The following STK31 variants were observed in gnomAD, a reference collection of about 807,000 sequenced individuals.
The protein encoded by STK31 is serine/threonine-protein kinase 31.
STK31 carries 89 observed loss-of-function variants against 129.7 expected under a neutral mutation model. The ratio of observed to expected loss-of-function variants is 0.69; its 90% confidence interval spans 0.58 to 0.82. The LOEUF is 0.82. STK31 is among the 40% of genes least tolerant of loss of function. The pLI, the probability that STK31 is intolerant of heterozygous loss-of-function variation, is 0.00. For missense variants in STK31, 1,187 were observed against 1,176.4 expected, an observed-to-expected ratio of 1.01 and a Z score of -0.13; for synonymous variants, 448 against 395.3, an observed-to-expected ratio of 1.13 and a Z score of -1.58.
chr7:23,768,462 G>A lies in STK31; in HGVS notation c.1417-533G>A, dbSNP rs563969496. Among the ~76,000 whole-genome samples the A allele has an allele frequency of 1.7e-4, 26 of 152,230 alleles. 1 individual carries two copies. The highest frequency in any genetic ancestry group is 1.5e-3 in the Admixed American group (23 of 15,294). On this transcript the variant is annotated intron_variant, in intron 11 of 23. Coordinates refer to ENST00000355870, the MANE Select transcript of STK31 (RefSeq NM_031414.5). ...ATTAGAATTATTTGTATATTTTAGC[G>A]TGTAGTTTATTTTTATTTGGCAATC...
intron 23 of STK31, among the ~76,000 whole-genome samples, chr7:23,815,625 G>A (rs1344620202): frequency 1.3e-5 from 2 of 152,122 alleles, no homozygotes; most frequent in East Asian, 3.8e-4. Context: ...TACAAGGATT[G>A]TGGCATTGAG....
rs747861100 is a variant in STK31 at position 23,771,078 on chromosome 7, A to G, written c.1787A>G (p.Glu596Gly). Residue 596 changes from glutamate to glycine, a missense_variant, in exon 14 of 24, where the codon GAA (glutamate) becomes GGA (glycine). Coordinates refer to ENST00000355870, the MANE Select transcript of STK31 (RefSeq NM_031414.5). Reference sequence around the variant, plus strand: ...GTACTGCAAAAGATTCATTCAGAGGAAAGGCTCATTGCCACAGTACAAGCT... The same window carrying G: ...GTACTGCAAAAGATTCATTCAGAGGGAAGGCTCATTGCCACAGTACAAGCT... ...SQVLQKIHSE[E>G]RLIATVQAKY... 1.2e-6 allele frequency: 2 copies of G among 1,613,038 alleles called. No individual in the cohort carries two copies. The highest frequency in any genetic ancestry group is 2.2e-5 in the South Asian group (2 of 91,004).
At chr7:23,779,800 G>A (rs1482302307) in intron 15 of STK31, among the ~76,000 whole-genome samples, 2 of 152,212 alleles carry the variant, frequency 1.3e-5, no homozygotes, top group Non-Finnish European at 2.9e-5. Flanking sequence ...TGCTGAGCAG[G>A]ACCACTTGGC....
chr7:23,824,183 T>C (rs1171712659), intron 23 of STK31, among the ~76,000 whole-genome samples: 1 of 152,216 alleles, frequency 6.6e-6, no homozygotes, highest in East Asian at 1.9e-4. Flanking sequence ...ATAAATTACC[T>C]TGGGCAGTAT....
intron 8 of STK31, among the ~76,000 whole-genome samples, chr7:23,744,183 G>T (rs1788215130): frequency 6.6e-6 from 1 of 151,582 alleles, no homozygotes; most frequent in South Asian, 2.1e-4. Context: ...GCCTCCCAAA[G>T]TGCTGGGATT....
At chr7:23,797,125 G>GA (rs1376807984) in intron 22 of STK31, among the ~76,000 whole-genome samples, 1 of 152,140 alleles carries the variant, frequency 6.6e-6, no homozygotes, top group African/African-American at 2.4e-5. Context: ...CAAGATCTTA[G>GA]AGACCTACAA....
Position 23,735,715 on chromosome 7 carries a change from T to C in STK31, c.661T>C (p.Cys221Arg). 1 of 1,614,012 alleles carries C rather than the reference T, an allele frequency of 6.2e-7. No individual in the cohort carries two copies. The highest frequency in any genetic ancestry group is 8.5e-7 in the Non-Finnish European group (1 of 1,180,010). ...CAGACTTGCTTCCAGAACTGACATC[T>C]GTGAGGAAAAAAAATTGGATCCTGG... ...KCRLASRTDI[C>R]EEKKLDPGQL... Residue 221 changes from cysteine (C) to arginine (R), a missense_variant, in exon 7 of 24, where the codon TGT (cysteine) becomes CGT (arginine). This residue lies in a region of STK31 where 975 missense variants were observed against 934.9 expected (regional missense o/e 1.04). Coordinates refer to ENST00000355870, the MANE Select transcript of STK31 (RefSeq NM_031414.5).
chr7:23,754,018 G>A (rs1788892196), intron 9 of STK31, among the ~76,000 whole-genome samples: 1 of 151,918 alleles, frequency 6.6e-6, no homozygotes, highest in Admixed American at 6.6e-5. Context: ...TTTCGAAGTT[G>A]CCTTTTTTAT....
intron 7 of STK31, 36 bp downstream of exon 7, chr7:23,735,932 G>A: frequency 2.7e-6 from 4 of 1,480,260 alleles, no homozygotes; most frequent in Non-Finnish European, 3.6e-6. Context: ...CTAATTGATG[G>A]TAGAGGTCCC....
At chr7:23,800,652 A>T (rs989860756) in intron 22 of STK31, among the ~76,000 whole-genome samples, 1 of 152,130 alleles carries the variant, frequency 6.6e-6, no homozygotes, top group African/African-American at 2.4e-5. Context: ...AATGTAGATT[A>T]TGGTTTGATG....
chr7:23,758,675 G>A lies in STK31; in HGVS notation c.1294-4126G>A, dbSNP rs1159162953. Among the ~76,000 whole-genome samples the A allele has an allele frequency of 6.6e-4, 101 of 152,018 alleles. 1 individual carries two copies. Among genetic ancestry groups the A allele is most frequent in the Admixed American group, 6.6e-3 (101 of 15,236 alleles). On this transcript the variant is annotated intron_variant, in intron 10 of 23. Coordinates refer to ENST00000355870, the MANE Select transcript of STK31 (RefSeq NM_031414.5). ...GGAGATTCTGGTACATTGTCTCTTT[G>A]TTCTCATTGGTTTCAAAGCACTTCT...
intron 22 of STK31, among the ~76,000 whole-genome samples, chr7:23,805,247 T>C (rs1270214432): frequency 1.3e-5 from 2 of 151,924 alleles, no homozygotes; most frequent in Non-Finnish European, 2.9e-5. Flanking sequence ...GGCTAATTTT[T>C]TGTGTTTTAG....
rs1007561662 is a variant in STK31, at chr7:23,786,846, T to C, written c.2409T>C (p.Pro803=). Residue 803 remains proline, a synonymous_variant, in exon 20 of 24, where the codon CCT becomes CCC. Transcript: ENST00000355870. ...TCTGTTTTGCTTCTTAGTCTGATCC[T>C]ATGGCTTATCTGATGGTCCCATACT... ...LIFLFLCKSD[P]MAYLMVPYYP... is the part of the protein sequence containing the mutation. The C allele has an allele frequency of 2.5e-6, 4 of 1,613,582 alleles. No individual in the cohort carries two copies. Among genetic ancestry groups the C allele is most frequent in the African/African-American group, 1.3e-5 (1 of 75,024 alleles).
At chr7:23,740,580 G>T (rs946403851) in intron 8 of STK31, among the ~76,000 whole-genome samples, 1 of 151,926 alleles carries the variant, frequency 6.6e-6, no homozygotes, top group African/African-American at 2.4e-5. Context: ...GTGCCATGTT[G>T]GTGTGCTGCA....
intron 22 of STK31, among the ~76,000 whole-genome samples, chr7:23,810,359 T>G (rs544402477): frequency 6.6e-5 from 10 of 151,640 alleles, no homozygotes; most frequent in African/African-American, 2.4e-4. Flanking sequence ...CTGATCTCTG[T>G]CTTTTAATTG....
intron 22 of STK31, among the ~76,000 whole-genome samples, chr7:23,798,026 T>C (rs1792087143): frequency 6.6e-6 from 1 of 152,088 alleles, no homozygotes; most frequent in South Asian, 2.1e-4. Flanking sequence ...CCTGGACACA[T>C]ACACCCTCCC....
intron 15 of STK31, among the ~76,000 whole-genome samples, chr7:23,780,395 G>T (rs934723062): frequency 6.6e-6 from 1 of 152,200 alleles, no homozygotes; most frequent in Non-Finnish European, 1.5e-5. Flanking sequence ...AAGGATGCAT[G>T]CCTGGGAGGC....
intron 10 of STK31, among the ~76,000 whole-genome samples, chr7:23,759,784 A>G (rs1317788277): frequency 6.6e-6 from 1 of 152,214 alleles, no homozygotes; most frequent in Non-Finnish European, 1.5e-5. Context: ...TACTGGGAGA[A>G]ACTACAAACT....
intron 6 of STK31, among the ~76,000 whole-genome samples, chr7:23,733,933 G>A (rs1740420148): frequency 1.3e-5 from 2 of 152,084 alleles, no homozygotes; most frequent in African/African-American, 4.8e-5. Flanking sequence ...TGATAAAGGA[G>A]CCCCATGGCC....
Sources: allele counts gnomAD v4.1 joint callset (sites outside exome capture counted in the v4.1 genomes callset), GRCh38; gene constraint gnomAD v4.1.1; regional missense constraint gnomAD v4.1.1; transcripts MANE v1.5; gene names NCBI Gene and HGNC (gene_info 2026-07-23, HGNC 2026-07-21).